The following FGF14 variants were observed in gnomAD, a reference collection of about 807,000 sequenced individuals.
FGF14 encodes the protein fibroblast growth factor 14.
In FGF14, 5 loss-of-function variants were observed where a neutral mutation model predicts 25.5. The observed-to-expected ratio is 0.20, with a 90% CI of 0.10 to 0.41. The LOEUF is 0.41. FGF14 is among the 10% of genes least tolerant of loss of function. The probability of loss-of-function intolerance (pLI) is 1.00; values close to 1 mark genes in which losing one functional copy is unlikely to be tolerated. For missense variants in FGF14, 222 were observed against 320.1 expected (o/e 0.69, Z 2.34); for synonymous variants, 138 against 118.3 (o/e 1.17, Z -1.08).
chr13:102,241,061 T>C (rs1183448108), intron 1 of FGF14, among the ~76,000 whole-genome samples: 1 of 152,148 alleles, frequency 6.6e-6, no homozygotes, highest in Non-Finnish European at 1.5e-5. Flanking sequence ...TGTTTGGCTT[T>C]ACCAGAAATC....
At chr13:101,771,748 C>A (rs2038786956) in intron 3 of FGF14, among the ~76,000 whole-genome samples, 1 of 151,892 alleles carries the variant, frequency 6.6e-6, no homozygotes, top group Non-Finnish European at 1.5e-5. Context: ...GTGTGGAATT[C>A]TAGGGATTCT....
intron 1 of FGF14, among the ~76,000 whole-genome samples, chr13:102,005,100 A>G (rs1032667875): frequency 1.3e-5 from 2 of 152,238 alleles, no homozygotes; most frequent in East Asian, 3.9e-4. Context: ...GCAATGGATG[A>G]CATTTGGACA....
chr13:101,753,559 C>A (rs2037440935), intron 3 of FGF14, among the ~76,000 whole-genome samples: 1 of 152,126 alleles, frequency 6.6e-6, no homozygotes, highest in South Asian at 2.1e-4. Flanking sequence ...AATCCCAGCA[C>A]TTTGGGAGGC....
intron 1 of FGF14, among the ~76,000 whole-genome samples, chr13:102,309,688 A>G (rs982828263): frequency 6.6e-6 from 1 of 152,220 alleles, no homozygotes; most frequent in African/African-American, 2.4e-5. Flanking sequence ...AGTGCTGCCT[A>G]TTATAAAATT....
At chr13:102,215,870 C>A (rs146474738) in intron 1 of FGF14, among the ~76,000 whole-genome samples, 196 of 152,304 alleles carry the variant, frequency 1.3e-3, no homozygotes, top group African/African-American at 4.6e-3. Context: ...TTAAAGCACT[C>A]TTCTCATTCA....
intron 2 of FGF14, among the ~76,000 whole-genome samples, chr13:101,874,055 C>T (rs143113138): frequency 1.1e-4 from 16 of 151,724 alleles, no homozygotes; most frequent in African/African-American, 1.5e-4. Context: ...AAAGTGAACA[C>T]GATGGCTGGA....
intron 3 of FGF14, among the ~76,000 whole-genome samples, chr13:101,828,949 G>A (rs1031297526): frequency 7.2e-5 from 11 of 152,042 alleles, no homozygotes; most frequent in African/African-American, 2.7e-4. Flanking sequence ...AGGTGTTAGA[G>A]ACTGCTGATA....
intron 1 of FGF14, among the ~76,000 whole-genome samples, chr13:102,301,110 GA>G (rs1243851531): frequency 6.6e-6 from 1 of 152,102 alleles, no homozygotes; most frequent in Non-Finnish European, 1.5e-5. Flanking sequence ...GAGTCAATTT[GA>G]TAAAATGTAA....
intron 1 of FGF14, among the ~76,000 whole-genome samples, chr13:102,261,516 T>G (rs557137094): frequency 4.6e-5 from 7 of 152,322 alleles, no homozygotes; most frequent in Non-Finnish European, 8.8e-5. Flanking sequence ...GCACATGTCT[T>G]GCATATTCCA....
chr13:101,942,733 C>G (rs1333627991), intron 1 of FGF14, among the ~76,000 whole-genome samples: 1 of 152,174 alleles, frequency 6.6e-6, no homozygotes. Context: ...AGAAAATGGC[C>G]AAGAACTCCT....
intron 1 of FGF14, among the ~76,000 whole-genome samples, chr13:102,195,312 T>C (rs192865506): frequency 5.3e-5 from 8 of 152,246 alleles, no homozygotes; most frequent in Admixed American, 3.9e-4. Context: ...CTGATGGACT[T>C]ATAATCTGTA....
chr13:101,864,171 C>T (rs906623618), intron 3 of FGF14, among the ~76,000 whole-genome samples: 42 of 152,030 alleles, frequency 2.8e-4, no homozygotes, highest in Non-Finnish European at 1.6e-4. Context: ...GAGGTGATGC[C>T]AGCCCACAGA....
chr13:102,341,928 A>G (rs557142716), intron 1 of FGF14, among the ~76,000 whole-genome samples: 1 of 152,262 alleles, frequency 6.6e-6, no homozygotes, highest in African/African-American at 2.4e-5. Flanking sequence ...CCATAGCTCC[A>G]TGTTGTCATC....
intron 3 of FGF14, among the ~76,000 whole-genome samples, chr13:101,865,663 ATTT>A (rs1429397476): frequency 6.6e-6 from 1 of 152,136 alleles, no homozygotes. Context: ...TAAGTATCTT[ATTT>A]GGATAGCAAA....
intron 3 of FGF14, among the ~76,000 whole-genome samples, chr13:101,852,913 T>A (rs976294566): frequency 2.6e-5 from 4 of 152,076 alleles, no homozygotes; most frequent in Non-Finnish European, 5.9e-5. Context: ...ATACCAGCAA[T>A]TGAAGCAAAT....
intron 1 of FGF14, among the ~76,000 whole-genome samples, chr13:102,296,953 G>A (rs1047306630): frequency 1.3e-5 from 2 of 152,044 alleles, no homozygotes; most frequent in African/African-American, 4.8e-5. Flanking sequence ...AAATATAGCA[G>A]AAGTTATCTT....
chr13:101,807,416 A>G (rs1055602785), intron 3 of FGF14, among the ~76,000 whole-genome samples: 1 of 152,110 alleles, frequency 6.6e-6, no homozygotes, highest in Non-Finnish European at 1.5e-5. Context: ...AATTGGATGA[A>G]GACTACTCAC....
chr13:102,059,630 C>T (rs1451184300), intron 1 of FGF14, among the ~76,000 whole-genome samples: 1 of 152,136 alleles, frequency 6.6e-6, no homozygotes, highest in Non-Finnish European at 1.5e-5. Flanking sequence ...GCGGGTGGAT[C>T]ACGTGAGGTC....
At chr13:101,728,861 AACGTAGGTCC>A (rs1438461577) in intron 3 of FGF14, among the ~76,000 whole-genome samples, 4 of 152,102 alleles carry the variant, frequency 2.6e-5, no homozygotes, top group African/African-American at 9.7e-5. Flanking sequence ...AAACACCAGA[AACGTAGGTCC>A]ACAGGATTCT....
Sources: gnomAD v4.1 joint callset for allele counts (sites outside exome capture counted in the v4.1 genomes callset) on GRCh38, gnomAD v4.1.1 for gene constraint, MANE v1.5 for transcripts, NCBI Gene and HGNC (gene_info 2026-07-23, HGNC 2026-07-21) for gene names.